The following GTF2F2 variants were observed in gnomAD, a reference collection of about 807,000 sequenced individuals.
The protein encoded by GTF2F2 is general transcription factor IIF subunit 2.
A neutral mutation model predicts 42.2 loss-of-function variants in GTF2F2; 23 were observed. The observed-to-expected ratio is 0.55, with a 90% CI of 0.39 to 0.77. GTF2F2 has a LOEUF of 0.77. Among genes scored for constraint, GTF2F2 ranks in the 30% least tolerant of loss-of-function variants. GTF2F2 has a pLI of 0.00. For synonymous variants in GTF2F2, 105 were observed against 100.8 expected (o/e 1.04, Z -0.25); for missense variants, 261 against 287.2 (o/e 0.91, Z 0.66).
chr13:45,225,139 C>T (rs890771126), intron 5 of GTF2F2, among the ~76,000 whole-genome samples: 1 of 152,186 alleles, frequency 6.6e-6, no homozygotes, highest in Admixed American at 6.5e-5. Context: ...GGCACCCTGA[C>T]AATTCCGATG....
chr13:45,199,245 A>G (rs1020698983), intron 4 of GTF2F2, among the ~76,000 whole-genome samples: 1 of 152,234 alleles, frequency 6.6e-6, no homozygotes, highest in Non-Finnish European at 1.5e-5. Context: ...AATTGCCTAC[A>G]TTGGTAAATG....
At chr13:45,218,733 T>C (rs12866440) in intron 5 of GTF2F2, among the ~76,000 whole-genome samples, 8,803 of 152,266 alleles carry the variant, frequency 0.058, 368 homozygotes, top group Non-Finnish European at 0.087. Context: ...ATTTAGGGAA[T>C]TGAATTGATG....
At chr13:45,217,087 T>C (rs1351406663) in intron 5 of GTF2F2, among the ~76,000 whole-genome samples, 1 of 151,596 alleles carries the variant, frequency 6.6e-6, no homozygotes, top group Non-Finnish European at 1.5e-5. Flanking sequence ...AATCATGAGG[T>C]CAGGAGTTCA....
At chr13:45,138,162 C>T (rs897450037) in intron 2 of GTF2F2, among the ~76,000 whole-genome samples, 4 of 152,042 alleles carry the variant, frequency 2.6e-5, no homozygotes, top group Admixed American at 6.6e-5. Flanking sequence ...CTTGCTAAGC[C>T]CCTTCTCATC....
chr13:45,276,198 T>G (rs1877027668), intron 7 of GTF2F2, among the ~76,000 whole-genome samples: 1 of 152,204 alleles, frequency 6.6e-6, no homozygotes, highest in Admixed American at 6.5e-5. Context: ...GAAGGCTGAT[T>G]GTACTTCATT....
intron 4 of GTF2F2, among the ~76,000 whole-genome samples, chr13:45,165,753 T>TA (rs1871263787): frequency 6.6e-6 from 1 of 151,600 alleles, no homozygotes; most frequent in South Asian, 2.1e-4. Flanking sequence ...AGGATTATTT[T>TA]AAAGAAAACC....
At chr13:45,132,024 TG>T (rs1478924922) in intron 1 of GTF2F2, among the ~76,000 whole-genome samples, 3 of 152,116 alleles carry the variant, frequency 2.0e-5, no homozygotes, top group Non-Finnish European at 4.4e-5. Flanking sequence ...TAAGCCTCCC[TG>T]TGCCTTAGTT....
intron 5 of GTF2F2, among the ~76,000 whole-genome samples, chr13:45,220,199 G>T (rs997652489): frequency 2.0e-5 from 3 of 152,142 alleles, no homozygotes; most frequent in Admixed American, 6.6e-5. Flanking sequence ...TGATCACAAT[G>T]ACTCATTCTT....
At chr13:45,177,974 G>T (rs1432920119) in intron 4 of GTF2F2, among the ~76,000 whole-genome samples, 1 of 151,918 alleles carries the variant, frequency 6.6e-6, no homozygotes, top group Non-Finnish European at 1.5e-5. Context: ...AAATTTTTTT[G>T]ATTATCTTTG....
rs766996295 is a variant in GTF2F2, at chr13:45,193,822, A to G, written c.305-13602A>G. On this transcript the variant is annotated intron_variant, in intron 4 of 7. Transcript: ENST00000340473. Reference sequence around the variant, plus strand: ...AAAATGAAGTGCATCGCTGTGAACAATTGACCCTTTGGAACAATCCAGGCT... The same window carrying G: ...AAAATGAAGTGCATCGCTGTGAACAGTTGACCCTTTGGAACAATCCAGGCT... 1.9e-5 allele frequency: 30 copies of G among 1,608,564 alleles called. No individual in the cohort carries two copies. The highest frequency in any genetic ancestry group is 2.2e-5 in the Non-Finnish European group (26 of 1,178,492).
intron 4 of GTF2F2, among the ~76,000 whole-genome samples, chr13:45,164,170 C>T (rs761906738): frequency 4.6e-5 from 7 of 151,962 alleles, no homozygotes; most frequent in African/African-American, 1.7e-4. Flanking sequence ...ATCTCAGCTA[C>T]TTGGGAGGCT....
chr13:45,274,197 A>G (rs756345639), intron 7 of GTF2F2, among the ~76,000 whole-genome samples: 33 of 151,998 alleles, frequency 2.2e-4, no homozygotes, highest in Non-Finnish European at 3.4e-4. Context: ...GCCACTGTTT[A>G]TTGGATATAT....
chr13:45,227,341 A>G lies in GTF2F2; in HGVS notation c.386+19836A>G, dbSNP rs140929739. Among the ~76,000 whole-genome samples the G allele has an allele frequency of 3.5e-4, 53 of 152,336 alleles. 1 individual carries two copies. Among genetic ancestry groups the G allele is most frequent in the African/African-American group, 1.2e-3 (51 of 41,576 alleles). Reference sequence around the variant, plus strand: ...AGATACAGTTTCCAGGTTATTGATCAGAGATAGATAGTAACTTATATATTC... The same window carrying G: ...AGATACAGTTTCCAGGTTATTGATCGGAGATAGATAGTAACTTATATATTC... On this transcript the variant is annotated intron_variant, in intron 5 of 7. Transcript: ENST00000340473.
At chr13:45,199,057 C>T (rs1385334728) in intron 4 of GTF2F2, among the ~76,000 whole-genome samples, 1 of 152,204 alleles carries the variant, frequency 6.6e-6, no homozygotes, top group Non-Finnish European at 1.5e-5. Flanking sequence ...ATGGCAGCCA[C>T]TTTATGTAAC....
chr13:45,240,101 ATTTTTTTTT>A (rs34744288), intron 5 of GTF2F2, among the ~76,000 whole-genome samples: 1 of 91,104 alleles, frequency 1.1e-5, no homozygotes, highest in Non-Finnish European at 2.0e-5. Context: ...ATGTAGAGGG[ATTTTTTTTT>A]TTTTTTTTTT....
chr13:45,136,783 A>C lies in GTF2F2; in HGVS notation c.117A>C (p.Glu39Asp). ...GGGCTAAAGCCTCTGGAAGAGGTGAAGTTGGGAAACTGCGGATTGCCAAGT... is the reference window on the plus strand; with the variant it reads ...GGGCTAAAGCCTCTGGAAGAGGTGACGTTGGGAAACTGCGGATTGCCAAGT... ...QQWAKASGRGEVGKLRIAKTQ... is the reference protein window; with the variant it reads ...QQWAKASGRGDVGKLRIAKTQ... Residue 39 changes from glutamate to aspartate, a missense_variant, in exon 2 of 8, where the codon GAA becomes GAC. Glu to Asp is a conservative substitution (Grantham distance 45, BLOSUM62 2). Transcript: ENST00000340473. 6.3e-7 allele frequency: 1 copy of C among 1,598,448 alleles called. No individual in the cohort carries two copies. The highest frequency in any genetic ancestry group is 8.6e-7 in the Non-Finnish European group (1 of 1,166,436).
chr13:45,155,794 C>G (rs550563010), intron 4 of GTF2F2, among the ~76,000 whole-genome samples: 1 of 152,052 alleles, frequency 6.6e-6, no homozygotes, highest in East Asian at 1.9e-4. Flanking sequence ...TCATGGAGCT[C>G]GCTTATCCAT....
At chr13:45,249,057 T>TA (rs1033246525) in intron 5 of GTF2F2, among the ~76,000 whole-genome samples, 1 of 152,204 alleles carries the variant, frequency 6.6e-6, no homozygotes, top group Admixed American at 6.6e-5. Context: ...AGATAAACCT[T>TA]ACCTTGACTT....
At chr13:45,191,864 A>G (rs1593481849) in intron 4 of GTF2F2, among the ~76,000 whole-genome samples, 1 of 152,204 alleles carries the variant, frequency 6.6e-6, no homozygotes, top group Non-Finnish European at 1.5e-5. Flanking sequence ...TTGTTAAGAT[A>G]GTTAAATTCT....
Sources: allele counts gnomAD v4.1 joint callset (sites outside exome capture counted in the v4.1 genomes callset), GRCh38; gene constraint gnomAD v4.1.1; transcripts MANE v1.5; gene names NCBI Gene and HGNC (gene_info 2026-07-23, HGNC 2026-07-21).